The following BICRAL variants were observed in gnomAD, a reference collection of about 807,000 sequenced individuals.
BICRAL encodes the protein BICRA like chromatin remodeling complex associated protein, also known as BRD4-interacting chromatin-remodeling complex-associated protein-like.
Under a neutral mutation model 91.8 loss-of-function variants are expected in BICRAL, and 8 were observed. That is an observed-to-expected ratio of 0.09 (90% CI 0.05 to 0.16). The LOEUF is 0.16. BICRAL is among the 10% of genes least tolerant of loss of function. BICRAL has a pLI of 1.00. For synonymous variants in BICRAL, 445 were observed against 491.1 expected (o/e 0.91, Z 1.24); for missense variants, 1,038 against 1,310.9 (o/e 0.79, Z 3.21).
intron 11 of BICRAL, 119 bp from the exon 12 acceptor site, chr6:42,862,391 C>T: frequency 1.4e-6 from 1 of 709,448 alleles, no homozygotes; most frequent in Non-Finnish European, 2.5e-6. Context: ...AAAGGAGGCT[C>T]ACTTTTCACA....
intron 1 of BICRAL, among the ~76,000 whole-genome samples, chr6:42,784,283 TG>T (rs1025368870): frequency 6.6e-6 from 1 of 152,194 alleles, no homozygotes; most frequent in African/African-American, 2.4e-5. Flanking sequence ...AAGTATCTGT[TG>T]GTAGTATCTA....
chr6:42,759,263 C>T lies in BICRAL; in HGVS notation c.-261+12240C>T, dbSNP rs115815803. Among the ~76,000 whole-genome samples the T allele has an allele frequency of 4.4e-3, 673 of 152,328 alleles. 8 individuals carry two copies. Among genetic ancestry groups the T allele is most frequent in the African/African-American group, 0.015 (627 of 41,570 alleles). On this transcript the variant is annotated intron_variant, in intron 1 of 14. Transcript: ENST00000614467. The stretch of plus-strand genomic sequence containing the variant: ...TGTAAATCCTGTTAGGAAGTTTCAG[C>T]TTAATCTTGAAGGCACTGGAGCTGC...
At chr6:42,800,087 T>C (rs999208372) in intron 1 of BICRAL, among the ~76,000 whole-genome samples, 2 of 151,866 alleles carry the variant, frequency 1.3e-5, no homozygotes, top group African/African-American at 4.8e-5. Context: ...TTTTTTAAAA[T>C]GCAGTCTCAC....
At chr6:42,857,607 A>AT (rs1412635448) in intron 10 of BICRAL, among the ~76,000 whole-genome samples, 3 of 104,896 alleles carry the variant, frequency 2.9e-5, no homozygotes, top group African/African-American at 1.6e-4. Context: ...TCTTAAAAAA[A>AT]AAAAAAAATA....
intron 1 of BICRAL, among the ~76,000 whole-genome samples, chr6:42,792,372 C>T (rs1763298957): frequency 6.6e-6 from 1 of 151,914 alleles, no homozygotes; most frequent in Non-Finnish European, 1.5e-5. Flanking sequence ...TTCAAGCAGC[C>T]CTCTCACCTC....
chr6:42,762,442 T>G (rs1185760902), intron 1 of BICRAL, among the ~76,000 whole-genome samples: 3 of 152,230 alleles, frequency 2.0e-5, no homozygotes, highest in Admixed American at 2.0e-4. Flanking sequence ...CTGTGAAATC[T>G]TCACTTTTGG....
chr6:42,856,908 GT>G (rs762861622), intron 9 of BICRAL, among the ~76,000 whole-genome samples, 182 bp from the exon 10 acceptor site: 1 of 152,116 alleles, frequency 6.6e-6, no homozygotes. Flanking sequence ...CAGGGTCATA[GT>G]TTGAGTCCTC....
In BICRAL at chr6:42,845,195, GTTTTT is replaced by G. The variant is rs748804344; in HGVS notation, c.1840-6848_1840-6844del. ...CTTCTCTGTTTTTTGTTTTTTGGGT[GTTTTT>G]TTTTTTTTTTTTTTTTTTTTTTTTT... On this transcript the variant is annotated intron_variant, in intron 6 of 12. Transcript: ENST00000314073. Among the ~76,000 whole-genome samples, 13 of 25,612 alleles carry G rather than the reference GTTTTT, an allele frequency of 5.1e-4. 2 individuals carry two copies. Among genetic ancestry groups the G allele is most frequent in the South Asian group, 3.6e-3 (2 of 556 alleles). 16.8% of individuals were successfully genotyped at this position (25,612 alleles called of 152,430 possible). A position where few individuals can be genotyped will look rare whatever the true frequency, so the allele number is the denominator to read the frequency against.
intron 6 of BICRAL, among the ~76,000 whole-genome samples, chr6:42,839,223 T>G (rs1462414209): frequency 2.0e-5 from 3 of 152,020 alleles, no homozygotes; most frequent in Non-Finnish European, 2.9e-5. Context: ...AAAAGAGCTT[T>G]TTCTTCCTCT....
At chr6:42,776,060 C>T (rs1329488769) in intron 1 of BICRAL, among the ~76,000 whole-genome samples, 2 of 152,184 alleles carry the variant, frequency 1.3e-5, no homozygotes, top group Non-Finnish European at 2.9e-5. Flanking sequence ...CTTTCTCTGT[C>T]ACCCAGGCTG....
intron 1 of BICRAL, among the ~76,000 whole-genome samples, chr6:42,760,254 C>T (rs1300843105): frequency 6.7e-6 from 1 of 149,420 alleles, no homozygotes; most frequent in Non-Finnish European, 1.5e-5. Context: ...GAGCAAAACT[C>T]CATCTCAAAA....
At chr6:42,794,052 AAG>A (rs1238632127) in intron 1 of BICRAL, among the ~76,000 whole-genome samples, 2 of 151,794 alleles carry the variant, frequency 1.3e-5, no homozygotes, top group Non-Finnish European at 2.9e-5. Flanking sequence ...ATCAGATTAA[AAG>A]AAAAAATTTG....
In BICRAL at chr6:42,857,600, T is replaced by TAA. The variant is rs748078737; in HGVS notation, c.2254+378_2254+379dup. On this transcript the variant is annotated intron_variant, in intron 10 of 12. Transcript: ENST00000314073. ...GGCAACATAGGGAGACACTGTCTCT[T>TAA]AAAAAAAAAAAAAAATATATATATA... is the stretch of plus-strand genomic sequence containing the variant. Among the ~76,000 whole-genome samples the TAA allele has an allele frequency of 5.7e-4, 58 of 101,326 alleles. 1 individual carries two copies. Among genetic ancestry groups the TAA allele is most frequent in the East Asian group, 2.5e-3 (11 of 4,426 alleles). The allele number at this position is 101,326 out of a possible 152,430, so 66.5% of individuals were successfully genotyped here. A position where few individuals can be genotyped will look rare whatever the true frequency, so the allele number is the denominator to read the frequency against.
intron 1 of BICRAL, among the ~76,000 whole-genome samples, chr6:42,791,923 T>C (rs141585212): frequency 4.5e-4 from 68 of 152,328 alleles, no homozygotes; most frequent in African/African-American, 1.4e-3. Context: ...CTATATGATA[T>C]AGCCTATTCC....
chr6:42,760,200 C>A (rs990224512), intron 1 of BICRAL, among the ~76,000 whole-genome samples: 1 of 151,352 alleles, frequency 6.6e-6, no homozygotes. Context: ...GCTGAGGTTG[C>A]GGTGAGCTGA....
At chr6:42,803,847 C>T (rs1184922164) in intron 1 of BICRAL, among the ~76,000 whole-genome samples, 1 of 152,132 alleles carries the variant, frequency 6.6e-6, no homozygotes, top group Non-Finnish European at 1.5e-5. Context: ...CTACTGCAGA[C>T]CCAAGCTATA....
intron 5 of BICRAL, among the ~76,000 whole-genome samples, chr6:42,828,135 C>T (rs1189259626): frequency 6.6e-6 from 1 of 151,972 alleles, no homozygotes; most frequent in Non-Finnish European, 1.5e-5. Context: ...TAAGATTGGC[C>T]AGGCGCGGTG....
In BICRAL at chr6:42,827,685, G is replaced by A. The variant is rs1308964068; in HGVS notation, c.160-808G>A. Among the ~76,000 whole-genome samples, 3 of 152,296 alleles carry A rather than the reference G, an allele frequency of 2.0e-5. No individual in the cohort carries two copies. In the South Asian group the frequency reaches 6.2e-4, roughly 32 times the overall value. ...ACTTGCGTGCAGGAGTTCAAGACCA[G>A]CCTGGGCAAGATGGTGAAACCCCAT... On this transcript the variant is annotated intron_variant, in intron 5 of 12. Coordinates refer to ENST00000314073, the MANE Select transcript of BICRAL (RefSeq NM_001393499.1).
intron 1 of BICRAL, among the ~76,000 whole-genome samples, chr6:42,758,518 G>A (rs1762493510): frequency 6.6e-6 from 1 of 152,140 alleles, no homozygotes; most frequent in Non-Finnish European, 1.5e-5. Flanking sequence ...GTGTATTGGT[G>A]AACACACAGA....
Sources: allele counts gnomAD v4.1 joint callset (sites outside exome capture counted in the v4.1 genomes callset), GRCh38; gene constraint gnomAD v4.1.1; transcripts MANE v1.5; gene names NCBI Gene and HGNC (gene_info 2026-07-23, HGNC 2026-07-21).